The following LRBA variants were observed in gnomAD, a reference collection of about 807,000 sequenced individuals.
LRBA encodes LPS responsive beige-like anchor protein.
LRBA carries 176 observed loss-of-function variants against 330.0 expected under a neutral mutation model. The ratio of observed to expected loss-of-function variants is 0.53; its 90% CI spans 0.47 to 0.60. LRBA has a LOEUF of 0.60. Ranked by LOEUF, LRBA falls within the 20% of genes least tolerant of loss-of-function variation. The pLI is 0.00. For synonymous variants in LRBA, 1,230 were observed against 1,193.0 expected (o/e 1.03, Z -0.64); for missense variants, 3,259 against 3,444.8 (o/e 0.95, Z 1.35).
intron 40 of LRBA, among the ~76,000 whole-genome samples, chr4:150,510,795 T>C (rs950919991): frequency 6.6e-6 from 1 of 152,142 alleles, no homozygotes; most frequent in Non-Finnish European, 1.5e-5. Flanking sequence ...CACCTATAAA[T>C]AGCTCCACCA....
chr4:150,742,412 T>G (rs1157753339), intron 35 of LRBA, among the ~76,000 whole-genome samples: 1 of 152,042 alleles, frequency 6.6e-6, no homozygotes, highest in East Asian at 1.9e-4. Context: ...CTTCCCAAAG[T>G]GCTGAAATTA....
chr4:150,684,725 T>A (rs1357095933), intron 36 of LRBA, among the ~76,000 whole-genome samples: 1 of 152,200 alleles, frequency 6.6e-6, no homozygotes, highest in East Asian at 1.9e-4. Context: ...CTATTCAGTG[T>A]CTACTGGAGT....
chr4:150,385,480 T>C (rs1470368372), intron 47 of LRBA, among the ~76,000 whole-genome samples: 1 of 152,036 alleles, frequency 6.6e-6, no homozygotes, highest in Non-Finnish European at 1.5e-5. Context: ...GGGCATCTGC[T>C]ATACTAAAAG....
chr4:150,640,049 G>C (rs1410045322), intron 37 of LRBA, among the ~76,000 whole-genome samples: 1 of 150,598 alleles, frequency 6.6e-6, no homozygotes, highest in Non-Finnish European at 1.5e-5. Context: ...GTAGAGATGG[G>C]ATTTCACTAT....
At chr4:150,698,969 A>T (rs1582083304) in intron 36 of LRBA, among the ~76,000 whole-genome samples, 1 of 152,196 alleles carries the variant, frequency 6.6e-6, no homozygotes, top group African/African-American at 2.4e-5. Flanking sequence ...AAACTGAAAA[A>T]TATTATTACT....
intron 37 of LRBA, among the ~76,000 whole-genome samples, chr4:150,608,890 CATA>C (rs1008283437): frequency 3.3e-5 from 5 of 152,196 alleles, no homozygotes; most frequent in African/African-American, 1.2e-4. Flanking sequence ...TTTCACTCAG[CATA>C]ATGTTTTTGA....
intron 2 of LRBA, among the ~76,000 whole-genome samples, chr4:150,961,521 G>C (rs1561061385): frequency 6.7e-6 from 1 of 149,122 alleles, no homozygotes; most frequent in Non-Finnish European, 1.5e-5. Flanking sequence ...CAGAAAATGA[G>C]TTTCAAAAAC....
At chr4:150,914,969 G>A (rs1259678960) in intron 8 of LRBA, among the ~76,000 whole-genome samples, 1 of 152,098 alleles carries the variant, frequency 6.6e-6, no homozygotes, top group African/African-American at 2.4e-5. Context: ...AGGTCATGCA[G>A]TCAATAAATG....
At chr4:150,573,062 T>C (rs1216309954) in intron 40 of LRBA, among the ~76,000 whole-genome samples, 1 of 152,132 alleles carries the variant, frequency 6.6e-6, no homozygotes, top group Non-Finnish European at 1.5e-5. Flanking sequence ...CCTCATCAAT[T>C]AGGCTTTGAC....
At position 150,605,348 on chromosome 4, in the gene LRBA, T is replaced by C. The variant is rs572535115; in HGVS notation, c.5922-6217A>G. Among the ~76,000 whole-genome samples, 3 of 152,336 alleles carry C rather than the reference T, an allele frequency of 2.0e-5. No homozygotes were observed. The South Asian group carries it at 6.2e-4, about 32-fold the overall frequency. Reference sequence around the variant, plus strand: ...GAAAACCTGTCAAAACACAATCATATTAGAAAATTTTCCCATTTTCCATCT... The same window carrying C: ...GAAAACCTGTCAAAACACAATCATACTAGAAAATTTTCCCATTTTCCATCT... On this transcript the variant is annotated intron_variant, in intron 37 of 56. Coordinates refer to ENST00000651943, the MANE Select transcript of LRBA (RefSeq NM_001364905.1).
chr4:150,687,949 C>G (rs1582048380), intron 36 of LRBA, among the ~76,000 whole-genome samples: 2 of 152,244 alleles, frequency 1.3e-5, no homozygotes, highest in African/African-American at 4.8e-5. Flanking sequence ...TTAGAAAAAA[C>G]TACTTTAAAT....
intron 37 of LRBA, among the ~76,000 whole-genome samples, chr4:150,638,318 C>T (rs990914323): frequency 3.3e-5 from 5 of 152,178 alleles, no homozygotes; most frequent in Admixed American, 6.5e-5. Context: ...TAAGCCACCA[C>T]GCCCGGCCAA....
intron 26 of LRBA, 25 bp from the exon 27 acceptor site, chr4:150,844,804 T>G (rs377528398): frequency 6.3e-7 from 1 of 1,596,212 alleles, no homozygotes; most frequent in Non-Finnish European, 8.6e-7. Flanking sequence ...AAGGAAAAGA[T>G]AGGGAAAGAA....
In LRBA at chr4:150,277,972, C is replaced by T. The variant is rs1169652264; in HGVS notation, c.8349G>A (p.Leu2783=). Residue 2783 remains leucine (L), a synonymous_variant, in exon 56 of 57, where the codon CTG becomes CTA. Transcript: ENST00000651943. ...CCACTCCTCTGTCTCCTCCTGTGAGCAGGTACTGCCCATCTCGGCTCAGCT... is the reference window on the plus strand; with the variant it reads ...CCACTCCTCTGTCTCCTCCTGTGAGTAGGTACTGCCCATCTCGGCTCAGCT... ...AIQLSRDGQY[L]LTGGDRGVVV... 1 of 1,614,124 alleles carries T rather than the reference C, an allele frequency of 6.2e-7. No homozygotes were observed. Among genetic ancestry groups the T allele is most frequent in the Admixed American group, 1.7e-5 (1 of 60,026 alleles).
In LRBA at chr4:150,639,097, G is replaced by A. The variant is rs577352798; in HGVS notation, c.5922-39966C>T. On this transcript the variant is annotated intron_variant, in intron 37 of 56. Transcript: ENST00000651943. The stretch of plus-strand genomic sequence containing the variant: ...AAATCATCATTCTCAGTAAACTATC[G>A]CAAGAACAAAAAACCAAACACTGCA... Among the ~76,000 whole-genome samples the A allele has an allele frequency of 5.0e-4, 72 of 143,330 alleles. No homozygotes were observed. The South Asian group carries it at 0.014, about 27-fold the overall frequency. The allele number at this position is 143,330 out of a possible 152,430, so 94.0% of individuals were successfully genotyped here.
At chr4:150,792,007 C>T (rs1167414535) in intron 34 of LRBA, among the ~76,000 whole-genome samples, 10 of 112,452 alleles carry the variant, frequency 8.9e-5, no homozygotes, top group South Asian at 5.6e-4. Context: ...CCAGCCTGGG[C>T]GACAGAGCAA....
chr4:150,960,414 C>T (rs1358705715), intron 2 of LRBA, among the ~76,000 whole-genome samples: 1 of 148,842 alleles, frequency 6.7e-6, no homozygotes, highest in Non-Finnish European at 1.5e-5. Flanking sequence ...ATGGGAAATG[C>T]TAAATGTCAA....
At chr4:150,914,428 T>A (rs546685546) in intron 8 of LRBA, 87 bp from the exon 9 acceptor site, 98 of 951,956 alleles carry the variant, frequency 1.0e-4, no homozygotes, top group Middle Eastern at 6.7e-4. Context: ...AAATGTTTTG[T>A]CCATTCTAAA....
chr4:150,606,332 A>G (rs574809755), intron 37 of LRBA, among the ~76,000 whole-genome samples: 65 of 152,222 alleles, frequency 4.3e-4, no homozygotes, highest in African/African-American at 1.6e-3. Flanking sequence ...TGATGTTATT[A>G]AGAACCAGAA....
Sources: gnomAD v4.1 joint callset for allele counts (sites outside exome capture counted in the v4.1 genomes callset) on GRCh38, gnomAD v4.1.1 for gene constraint, MANE v1.5 for transcripts, NCBI Gene and HGNC (gene_info 2026-07-23, HGNC 2026-07-21) for gene names.